Variants in EXD3 observed in about 807,000 individuals in gnomAD.
EXD3 encodes exonuclease mut-7 homolog.
A neutral mutation model predicts 98.0 loss-of-function variants in EXD3; 92 were observed. The observed-to-expected ratio is 0.94, with a 90% CI of 0.79 to 1.12. The LOEUF (loss-of-function observed/expected upper bound fraction) is 1.12, where lower values mean the gene tolerates loss of function less well. Among genes scored for constraint, EXD3 ranks in the 50% most tolerant of loss-of-function variants. The pLI, the probability that EXD3 is intolerant of heterozygous loss-of-function variation, is 0.00. For missense variants in EXD3, 1,222 were observed against 1,191.6 expected (o/e 1.03, Z -0.38); for synonymous variants, 569 against 526.0 (o/e 1.08, Z -1.12).
chr9:137,343,204 G>A (rs946323082), intron 17 of EXD3: 1 of 152,202 alleles, frequency 6.6e-6, no homozygotes, highest in Non-Finnish European at 1.5e-5. Context: ...CTGGCCAAGT[G>A]GACAAAGTTT....
chr9:137,412,395 T>C (rs1360027186), intron 1 of EXD3, among the ~76,000 whole-genome samples: 1 of 152,232 alleles, frequency 6.6e-6, no homozygotes, highest in Non-Finnish European at 1.5e-5. Flanking sequence ...AAATAAAATA[T>C]ATTATTAAAA....
intron 7 of EXD3, among the ~76,000 whole-genome samples, chr9:137,364,775 T>G (rs1324781389): frequency 7.4e-5 from 11 of 149,170 alleles, no homozygotes; most frequent in Non-Finnish European, 1.5e-5. Flanking sequence ...TCTATGTTTT[T>G]TTTTTTTTTT....
In EXD3 at chr9:137,364,835, C is replaced by G. The variant is rs148639486; in HGVS notation, c.656+1658G>C. Among the ~76,000 whole-genome samples, 245 of 142,608 alleles carry G rather than the reference C, an allele frequency of 1.7e-3. 1 individual carries two copies. The highest frequency in any genetic ancestry group is 2.9e-3 in the Non-Finnish European group (190 of 66,388). The allele number at this position is 142,608 out of a possible 152,430, so 93.6% of individuals were successfully genotyped here. Reference sequence around the variant, plus strand: ...CCAGGCTGCAGTGCAGTGGTACTATCTCGGCTCACTGCAAGCTCCGCCTCC... The same window carrying G: ...CCAGGCTGCAGTGCAGTGGTACTATGTCGGCTCACTGCAAGCTCCGCCTCC... On this transcript the variant is annotated intron_variant, in intron 7 of 21. Transcript: ENST00000340951.
chr9:137,309,778 C>T (rs538865923), intron 19 of EXD3, 78 bp from the exon 20 acceptor site: 41 of 1,110,006 alleles, frequency 3.7e-5, no homozygotes, highest in African/African-American at 1.1e-4. Flanking sequence ...GCTCGCTCCT[C>T]GAAGCTCTGG....
chr9:137,383,866 G>A (rs1024200820), intron 2 of EXD3, among the ~76,000 whole-genome samples: 1 of 148,402 alleles, frequency 6.7e-6, no homozygotes, highest in Non-Finnish European at 1.5e-5. Flanking sequence ...GGAGGCCCCC[G>A]ACCTCACTGC....
Position 137,327,777 on chromosome 9 carries a change from A to G in EXD3, c.1999-3634T>C, listed in dbSNP as rs1488721840. On this transcript the variant is annotated intron_variant, in intron 17 of 21. Coordinates refer to ENST00000340951, the MANE Select transcript of EXD3 (RefSeq NM_017820.5). Reference sequence around the variant, plus strand: ...ACTAATATACTCCCATAGGATGAGTAAAAACAACAAATATACACCCACATG... The same window carrying G: ...ACTAATATACTCCCATAGGATGAGTGAAAACAACAAATATACACCCACATG... 1.4e-5 allele frequency among the ~76,000 whole-genome samples: 2 copies of G among 140,960 alleles called. 1 individual carries two copies. The highest frequency in any genetic ancestry group is 5.3e-5 in the African/African-American group (2 of 37,992). The allele number at this position is 140,960 out of a possible 152,430, so 92.5% of individuals were successfully genotyped here.
At chr9:137,357,649 C>T (rs944783726) in intron 7 of EXD3, among the ~76,000 whole-genome samples, 1 of 151,610 alleles carries the variant, frequency 6.6e-6, no homozygotes, top group South Asian at 2.1e-4. Flanking sequence ...TTCCTCCAAG[C>T]TCCAGCTTAG....
Position 137,324,207 on chromosome 9 carries a change from C to T in EXD3, c.1999-64G>A. 2.9e-6 allele frequency: 4 copies of T among 1,378,968 alleles called. No homozygotes were observed. The highest frequency in any genetic ancestry group is 4.0e-6 in the Non-Finnish European group (4 of 994,302). The allele number at this position is 1,378,968 out of a possible 1,614,324, so 85.4% of individuals were successfully genotyped here. A position where few individuals can be genotyped will look rare whatever the true frequency, so the allele number is the denominator to read the frequency against. The stretch of plus-strand genomic sequence containing the variant: ...TCCGTGCTCCTGGACTGGGCCACCT[C>T]TGCTCGCCACCCCCTAGCTCCCCGG... On this transcript the variant is annotated intron_variant, in intron 17 of 21. Coordinates refer to ENST00000340951, the MANE Select transcript of EXD3 (RefSeq NM_017820.5). The surrounding 1 kb of genome is among the most constrained non-coding windows in gnomAD (Gnocchi z 4.1).
intron 9 of EXD3, 78 bp from the exon 10 acceptor site, chr9:137,354,455 A>G (rs1834501946): frequency 6.3e-7 from 1 of 1,597,550 alleles, no homozygotes; most frequent in Non-Finnish European, 8.5e-7. Flanking sequence ...GTTTTCCTCG[A>G]CCCCTGGCAG....
chr9:137,353,467 C>G, intron 10 of EXD3: 1 of 985,392 alleles, frequency 1.0e-6, no homozygotes, highest in South Asian at 4.7e-5. Flanking sequence ...GTTTGGCTGG[C>G]AGGGCTCAGG....
intron 5 of EXD3, among the ~76,000 whole-genome samples, chr9:137,368,591 A>G (rs904436007): frequency 1.4e-4 from 22 of 152,148 alleles, no homozygotes; most frequent in African/African-American, 5.1e-4. Context: ...AATAATTTCC[A>G]TAAGCCGCGC....
In EXD3 at chr9:137,407,479, C is replaced by T. The variant is rs996641355; in HGVS notation, c.-47-12075G>A. Among the ~76,000 whole-genome samples, 2 of 152,206 alleles carry T rather than the reference C, an allele frequency of 1.3e-5. No homozygotes were observed. The highest frequency in any genetic ancestry group is 6.5e-5 in the Admixed American group (1 of 15,288). On this transcript the variant is annotated intron_variant, in intron 1 of 21. Transcript: ENST00000340951. This position sits in a 1 kb window ranked among gnomAD's most constrained non-coding sequence, Gnocchi z 4.4. ...GTGCCGTGCAAAGGGCAGGTCTGGC[C>T]GCTCTCGGGCTCTGCCCTGCCAGCC...
intron 17 of EXD3, among the ~76,000 whole-genome samples, chr9:137,329,110 C>G (rs1832750134): frequency 5.4e-5 from 1 of 18,488 alleles, no homozygotes; most frequent in Admixed American, 4.5e-4. Flanking sequence ...CGGGGCTACA[C>G]GGGGCTACAC....
rs1564213780 is a variant in EXD3 at position 137,405,042 on chromosome 9, G to T, written c.-47-9638C>A. ...CCAGGCGAGCCGGGTGCTGGGAGGG[G>T]ACACGTGCTGTCTCACAGGTGAGCC... On this transcript the variant is annotated intron_variant, in intron 1 of 21. Coordinates refer to ENST00000340951, the MANE Select transcript of EXD3 (RefSeq NM_017820.5). The surrounding 1 kb of genome is among the most constrained non-coding windows in gnomAD (Gnocchi z 4.1). Among the ~76,000 whole-genome samples the T allele has an allele frequency of 6.6e-6, 1 of 152,060 alleles. No individual in the cohort carries two copies. Among genetic ancestry groups the T allele is most frequent in the Admixed American group, 6.5e-5 (1 of 15,272 alleles).
At chr9:137,383,691 C>T (rs1005920997) in intron 2 of EXD3, among the ~76,000 whole-genome samples, 1 of 152,256 alleles carries the variant, frequency 6.6e-6, no homozygotes, top group Admixed American at 6.5e-5. Flanking sequence ...CCTCGTGGGC[C>T]TGAGCCTCTA....
chr9:137,367,106 A>G (rs6606578), intron 6 of EXD3, among the ~76,000 whole-genome samples: 122,481 of 152,180 alleles, frequency 0.8, 49,376 homozygotes, highest in East Asian at 0.88. Context: ...GCAAGAACGA[A>G]TTCCCGTAGA....
At chr9:137,365,901 A>G in intron 7 of EXD3, 1 of 396,092 alleles carries the variant, frequency 2.5e-6, no homozygotes, top group Non-Finnish European at 5.0e-6. Flanking sequence ...GCAGGCACAC[A>G]CATACATGCA....
At chr9:137,398,515 C>T (rs1837318837) in intron 1 of EXD3, among the ~76,000 whole-genome samples, 1 of 151,926 alleles carries the variant, frequency 6.6e-6, no homozygotes, top group Non-Finnish European at 1.5e-5. Context: ...ACATGTGCAC[C>T]CATGTCCCCA....
At chr9:137,310,540 C>T (rs1831303384) in intron 19 of EXD3, among the ~76,000 whole-genome samples, 1 of 152,176 alleles carries the variant, frequency 6.6e-6, no homozygotes, top group Non-Finnish European at 1.5e-5. Flanking sequence ...TGGGTGGTTT[C>T]TGAGTATGAC....
Sources: gnomAD v4.1 joint callset for allele counts (sites outside exome capture counted in the v4.1 genomes callset) on GRCh38, gnomAD v4.1.1 for gene constraint, Gnocchi (gnomAD v3.1) non-coding constraint, MANE v1.5 for transcripts, NCBI Gene and HGNC (gene_info 2026-07-23, HGNC 2026-07-21) for gene names.